TMEM132D: variants seen among roughly 807,000 people sequenced by gnomAD.
The protein encoded by TMEM132D is transmembrane protein 132D.
A neutral mutation model predicts 62.3 loss-of-function variants in TMEM132D; 21 were observed. The ratio of observed to expected loss-of-function variants is 0.34; its 90% CI spans 0.24 to 0.49. The LOEUF is 0.49. TMEM132D is among the 20% of genes least tolerant of loss of function. The pLI is 0.99. For synonymous variants in TMEM132D, 621 were observed against 575.6 expected, an observed-to-expected ratio of 1.08 and a Z score of -1.13; for missense variants, 1,346 against 1,402.8, an observed-to-expected ratio of 0.96 and a Z score of 0.65.
At chr12:129,577,868 AT>A (rs761891585) in intron 2 of TMEM132D, among the ~76,000 whole-genome samples, 8 of 152,170 alleles carry the variant, frequency 5.3e-5, no homozygotes, top group Non-Finnish European at 7.3e-5. Flanking sequence ...GAGCTAAGGG[AT>A]ACTCAGATAG....
intron 2 of TMEM132D, among the ~76,000 whole-genome samples, chr12:129,617,370 G>A (rs1878947621): frequency 6.6e-6 from 1 of 152,132 alleles, no homozygotes; most frequent in African/African-American, 2.4e-5. Flanking sequence ...GTTGTCTCAG[G>A]CCTCAGCTTC....
chr12:129,482,237 C>A (rs1018656294), intron 3 of TMEM132D, among the ~76,000 whole-genome samples: 1 of 152,134 alleles, frequency 6.6e-6, no homozygotes, highest in Non-Finnish European at 1.5e-5. Flanking sequence ...TTGTGTGTAG[C>A]GTGGCAAAAC....
intron 3 of TMEM132D, among the ~76,000 whole-genome samples, chr12:129,418,358 C>T (rs1872191289): frequency 6.6e-6 from 1 of 152,194 alleles, no homozygotes; most frequent in Non-Finnish European, 1.5e-5. Flanking sequence ...GACACATATA[C>T]ACCATGGAAT....
At chr12:129,553,329 C>T (rs1049354866) in intron 2 of TMEM132D, among the ~76,000 whole-genome samples, 3 of 152,196 alleles carry the variant, frequency 2.0e-5, no homozygotes, top group African/African-American at 7.2e-5. Context: ...GCTCGCCTTT[C>T]CCCTGCCCCC....
intron 1 of TMEM132D, among the ~76,000 whole-genome samples, chr12:129,811,179 GA>G (rs1287594244): frequency 1.3e-5 from 2 of 151,308 alleles, no homozygotes; most frequent in Non-Finnish European, 2.9e-5. Context: ...AATGTTTGGG[GA>G]AAATGACCTG....
intron 5 of TMEM132D, chr12:129,110,793 G>A (rs1875674000): frequency 6.6e-6 from 1 of 152,298 alleles, no homozygotes; most frequent in Non-Finnish European, 1.5e-5. Context: ...GGCGCTGGCT[G>A]AACAAGCACC....
At position 129,807,410 on chromosome 12, in the gene TMEM132D, T is replaced by G. The variant is rs537611591; in HGVS notation, c.79+95851A>C. 2.3e-3 allele frequency among the ~76,000 whole-genome samples: 348 copies of G among 152,246 alleles called. 1 individual carries two copies. Among genetic ancestry groups the G allele is most frequent in the African/African-American group, 8.0e-3 (332 of 41,546 alleles). ...AAAGAGGCCACAATGCTCTTCAGTC[T>G]CCACTAAAGTTCACAGGTGGGCAGA... is the stretch of plus-strand genomic sequence containing the variant. On this transcript the variant is annotated intron_variant, in intron 1 of 8. Transcript: ENST00000422113.
At chr12:129,613,396 CAG>C (rs1878829124) in intron 2 of TMEM132D, among the ~76,000 whole-genome samples, 1 of 152,174 alleles carries the variant, frequency 6.6e-6, no homozygotes, top group Non-Finnish European at 1.5e-5. Flanking sequence ...CTCATGCAAA[CAG>C]AGAATGACAG....
intron 2 of TMEM132D, among the ~76,000 whole-genome samples, chr12:129,623,662 TACATATATATAC>T (rs1235107920): frequency 1.4e-5 from 2 of 144,376 alleles, no homozygotes; most frequent in African/African-American, 2.6e-5. Context: ...TATATATATA[TACATATATATAC>T]ACATATATAT....
At chr12:129,129,875 C>G (rs938747489) in intron 5 of TMEM132D, among the ~76,000 whole-genome samples, 1 of 152,062 alleles carries the variant, frequency 6.6e-6, no homozygotes, top group Non-Finnish European at 1.5e-5. Context: ...GGTCCCTGTT[C>G]CCTACAGCAT....
chr12:129,340,651 G>A (rs1280097763), intron 3 of TMEM132D, among the ~76,000 whole-genome samples: 1 of 152,114 alleles, frequency 6.6e-6, no homozygotes, highest in African/African-American at 2.4e-5. Flanking sequence ...CATTTTTTAT[G>A]TCTGCATAGT....
At chr12:129,316,493 A>T (rs1417800134) in intron 4 of TMEM132D, among the ~76,000 whole-genome samples, 1 of 152,072 alleles carries the variant, frequency 6.6e-6, no homozygotes, top group Non-Finnish European at 1.5e-5. Context: ...GCTTTATTCC[A>T]CTGTGGTCTG....
At chr12:129,551,247 C>A (rs1566106996) in intron 2 of TMEM132D, among the ~76,000 whole-genome samples, 1 of 152,220 alleles carries the variant, frequency 6.6e-6, no homozygotes. Flanking sequence ...AATCCAGGAG[C>A]ATAAGAAAAT....
intron 1 of TMEM132D, among the ~76,000 whole-genome samples, chr12:129,784,029 C>A (rs960530699): frequency 2.0e-5 from 3 of 152,162 alleles, no homozygotes; most frequent in African/African-American, 7.2e-5. Context: ...GATTCAAGAG[C>A]CCTGGAAATT....
chr12:129,519,259 A>G (rs1183301044), intron 3 of TMEM132D, among the ~76,000 whole-genome samples: 3 of 152,096 alleles, frequency 2.0e-5, no homozygotes, highest in Non-Finnish European at 4.4e-5. Flanking sequence ...AACCTCGGGG[A>G]CTACCAGAGT....
At position 129,343,524 on chromosome 12, in the gene TMEM132D, A is replaced by G. The variant is rs190192671; in HGVS notation, c.1116-5707T>C. ...ACACCAACATGTCACATGTATACAT[A>G]TGTAACAAACCTGCACGTTGTGCAC... On this transcript the variant is annotated intron_variant, in intron 3 of 8. Transcript: ENST00000422113. 2.0e-5 allele frequency among the ~76,000 whole-genome samples: 3 copies of G among 152,308 alleles called. No individual in the cohort carries two copies. In the East Asian group the frequency reaches 5.8e-4, roughly 29 times the overall value.
At chr12:129,770,679 T>C (rs1272335381) in intron 1 of TMEM132D, among the ~76,000 whole-genome samples, 1 of 152,170 alleles carries the variant, frequency 6.6e-6, no homozygotes, top group Non-Finnish European at 1.5e-5. Context: ...ACATCACAGC[T>C]CAGCCTAGCT....
At chr12:129,499,934 T>C (rs1308483410) in intron 3 of TMEM132D, among the ~76,000 whole-genome samples, 307 of 111,084 alleles carry the variant, frequency 2.8e-3, no homozygotes, top group Middle Eastern at 0.017. Context: ...TTACCTCCAA[T>C]ACATACCCTG....
chr12:129,329,457 G>A (rs1869032615), intron 4 of TMEM132D, among the ~76,000 whole-genome samples: 1 of 152,148 alleles, frequency 6.6e-6, no homozygotes, highest in Admixed American at 6.5e-5. Flanking sequence ...AGAATGCTAT[G>A]AACAGTCAAA....
Sources: gnomAD v4.1 joint callset for allele counts (sites outside exome capture counted in the v4.1 genomes callset) on GRCh38, gnomAD v4.1.1 for gene constraint, MANE v1.5 for transcripts, NCBI Gene and HGNC (gene_info 2026-07-23, HGNC 2026-07-21) for gene names.